Variants in MAP2K2 observed in about 807,000 individuals in gnomAD.
The protein encoded by MAP2K2 is mitogen-activated protein kinase kinase 2, also known as dual specificity mitogen-activated protein kinase kinase 2.
A neutral mutation model predicts 43.7 loss-of-function variants in MAP2K2; 24 were observed. That is an observed-to-expected ratio of 0.55 (90% CI 0.40 to 0.77). The LOEUF (loss-of-function observed/expected upper bound fraction) is 0.77. Ranked by LOEUF, MAP2K2 falls within the 30% of genes least tolerant of loss-of-function variation. The pLI is 0.00. For missense variants in MAP2K2, 470 were observed against 566.8 expected, an observed-to-expected ratio of 0.83 and a Z score of 1.73; for synonymous variants, 244 against 239.7, an observed-to-expected ratio of 1.02 and a Z score of -0.17.
Position 4,090,395 on chromosome 19 carries a change from C to T in MAP2K2, c.*203G>A, listed in dbSNP as rs982571644. 5.3e-5 allele frequency: 33 copies of T among 623,782 alleles called. No individual in the cohort carries two copies. The highest frequency in any genetic ancestry group is 4.3e-4 in the African/African-American group (24 of 55,240). The allele number at this position is 623,782 out of a possible 1,614,324, so 38.6% of individuals were successfully genotyped here. On this transcript the variant is annotated 3_prime_UTR_variant, in exon 11 of 11. Coordinates refer to ENST00000262948, the MANE Select transcript of MAP2K2 (RefSeq NM_030662.4). ...TCTGAGACCACACACAGCAGCGTCG[C>T]CCGTCCCCAGAGGCACCCCGGCCAG...
chr19:4,116,300 G>A (rs1342745486), intron 2 of MAP2K2, among the ~76,000 whole-genome samples: 1 of 152,172 alleles, frequency 6.6e-6, no homozygotes, highest in Admixed American at 6.5e-5. Flanking sequence ...GGAGGCCGAG[G>A]CAAGAGGATC....
At chr19:4,097,824 T>TG (rs1199883826) in intron 7 of MAP2K2, among the ~76,000 whole-genome samples, 9 of 152,282 alleles carry the variant, frequency 5.9e-5, no homozygotes, top group Non-Finnish European at 1.0e-4. Context: ...GGCCTGGGCT[T>TG]GGCAGCTGGA....
intron 1 of MAP2K2, among the ~76,000 whole-genome samples, chr19:4,120,618 T>C (rs534416058): frequency 2.0e-5 from 3 of 152,330 alleles, no homozygotes; most frequent in African/African-American, 7.2e-5. Flanking sequence ...CACCCAGCCA[T>C]GAATGAACAC....
chr19:4,095,445 G>T lies in MAP2K2; in HGVS notation c.989C>A (p.Pro330His). The stretch of plus-strand genomic sequence containing the variant: ...GAACACACCGTTGGGCAGCTTAGGA[G>T]GTGGCTGTGGAGGAGAACAGAGGGT... ...ELLDYIVNEP[P>H]PKLPNGVFTP... The change falls in exon 9 of 11, where the codon CCT becomes CAT. Residue 330 changes from proline (P) to histidine (H), a missense_variant. Coordinates refer to ENST00000262948, the MANE Select transcript of MAP2K2 (RefSeq NM_030662.4). 1.9e-6 allele frequency: 3 copies of T among 1,551,392 alleles called. No homozygotes were observed. Among genetic ancestry groups the T allele is most frequent in the Non-Finnish European group, 2.6e-6 (3 of 1,146,880 alleles).
chr19:4,102,590 G>A, intron 3 of MAP2K2, 137 bp from the exon 4 acceptor site: 1 of 903,158 alleles, frequency 1.1e-6, no homozygotes, highest in South Asian at 1.4e-5. Flanking sequence ...CCACCCACGG[G>A]CCAAGGGCAG....
chr19:4,093,588 G>A (rs1044925531), intron 10 of MAP2K2, among the ~76,000 whole-genome samples: 10 of 152,002 alleles, frequency 6.6e-5, no homozygotes, highest in Non-Finnish European at 1.5e-4. Flanking sequence ...CTACCTGGGA[G>A]GCTGACTGGA....
chr19:4,120,959 A>G (rs2145085200), intron 1 of MAP2K2, among the ~76,000 whole-genome samples: 1 of 151,772 alleles, frequency 6.6e-6, no homozygotes, highest in South Asian at 2.1e-4. Context: ...GCCGACCCCC[A>G]AGCGGGAGAG....
rs117030974 is a variant in MAP2K2 at position 4,113,129 on chromosome 19, C to T, written c.304-2474G>A. On this transcript the variant is annotated intron_variant, in intron 2 of 10. Transcript: ENST00000262948. Reference sequence around the variant, plus strand: ...AGGAAAGAGCGCGCGTTCGGCTGGCCGTCGCAAGTCGTAATTTAGGAGAGG... The same window carrying T: ...AGGAAAGAGCGCGCGTTCGGCTGGCTGTCGCAAGTCGTAATTTAGGAGAGG... Among the ~76,000 whole-genome samples the T allele has an allele frequency of 1.2e-4, 19 of 152,220 alleles. No individual in the cohort carries two copies. The East Asian group carries it at 3.3e-3, about 26-fold the overall frequency.
intron 7 of MAP2K2, among the ~76,000 whole-genome samples, chr19:4,097,817 C>T (rs1415855824): frequency 6.6e-6 from 1 of 152,160 alleles, no homozygotes; most frequent in East Asian, 1.9e-4. Flanking sequence ...CTGGCCAGGC[C>T]TGGGCTTGGC....
chr19:4,111,826 G>A (rs562388772), intron 2 of MAP2K2, among the ~76,000 whole-genome samples: 4 of 152,166 alleles, frequency 2.6e-5, no homozygotes, highest in Admixed American at 2.0e-4. Flanking sequence ...GGTGGCAGGC[G>A]CCTGTAATCC....
Position 4,110,804 on chromosome 19 carries a change from A to T in MAP2K2, c.304-149T>A, listed in dbSNP as rs552278199. On this transcript the variant is annotated intron_variant, in intron 2 of 10. Coordinates refer to ENST00000262948, the MANE Select transcript of MAP2K2 (RefSeq NM_030662.4). ...ATTCCACCCCTAGGTGTCTGCCTAG[A>T]AGTGGACACATACGTCCACACAGAA... 1.8e-5 allele frequency: 14 copies of T among 775,002 alleles called. 1 individual carries two copies. Among genetic ancestry groups the T allele is most frequent in the Non-Finnish European group, 2.9e-5 (14 of 484,142 alleles). The allele number at this position is 775,002 out of a possible 1,614,324, so 48.0% of individuals were successfully genotyped here. A position where few individuals can be genotyped will look rare whatever the true frequency, so the allele number is the denominator to read the frequency against.
chr19:4,123,765 C>A lies in MAP2K2; in HGVS notation c.92+19G>T. ...TGCCCCGTGCACCCCAAGCCTCCGG[C>A]TGACCCCTGCCCACTCACTCGGAGG... On this transcript the variant is annotated intron_variant, in intron 1 of 10. Transcript: ENST00000262948. 2 of 1,528,384 alleles carry A rather than the reference C, an allele frequency of 1.3e-6. No homozygotes were observed. Among genetic ancestry groups the A allele is most frequent in the Non-Finnish European group, 1.8e-6 (2 of 1,139,360 alleles). The allele number at this position is 1,528,384 out of a possible 1,614,324, so 94.7% of individuals were successfully genotyped here. A position where few individuals can be genotyped will look rare whatever the true frequency, so the allele number is the denominator to read the frequency against.
intron 1 of MAP2K2, among the ~76,000 whole-genome samples, chr19:4,118,224 C>A (rs1267300865): frequency 6.6e-6 from 1 of 152,218 alleles, no homozygotes; most frequent in Non-Finnish European, 1.5e-5. Context: ...AGGCGTGAGC[C>A]ATTGCACGCG....
intron 1 of MAP2K2, among the ~76,000 whole-genome samples, chr19:4,123,141 A>G (rs1019915288): frequency 1.1e-4 from 17 of 149,548 alleles, no homozygotes; most frequent in African/African-American, 4.2e-4. Context: ...CCCTCATTTC[A>G]CTACTCAAGG....
chr19:4,092,459 C>T (rs938910700), intron 10 of MAP2K2, among the ~76,000 whole-genome samples: 10 of 151,792 alleles, frequency 6.6e-5, no homozygotes, highest in African/African-American at 2.2e-4. Context: ...TGTGGTGGCA[C>T]GAGCCTGTAA....
chr19:4,091,642 C>T (rs1254384927), intron 10 of MAP2K2, among the ~76,000 whole-genome samples: 1 of 149,912 alleles, frequency 6.7e-6, no homozygotes. Flanking sequence ...TGTGAGCCAC[C>T]GCAACTGGCC....
At chr19:4,096,334 C>T (rs2040917144) in intron 8 of MAP2K2, among the ~76,000 whole-genome samples, 2 of 152,216 alleles carry the variant, frequency 1.3e-5, no homozygotes, top group African/African-American at 4.8e-5. Context: ...AACCCCAGGC[C>T]TAGCCCAGTC....
intron 3 of MAP2K2, among the ~76,000 whole-genome samples, chr19:4,105,148 C>T (rs1337881975): frequency 7.3e-6 from 1 of 136,930 alleles, no homozygotes; most frequent in Non-Finnish European, 1.5e-5. Context: ...TGACCATACA[C>T]GTCTACCGTG....
intron 2 of MAP2K2, among the ~76,000 whole-genome samples, chr19:4,113,228 G>T (rs1050117245): frequency 6.6e-6 from 1 of 152,208 alleles, no homozygotes; most frequent in Non-Finnish European, 1.5e-5. Context: ...AAATGAGGCC[G>T]TCGGAAGCGA....
Sources: gnomAD v4.1 joint callset for allele counts (sites outside exome capture counted in the v4.1 genomes callset) on GRCh38, gnomAD v4.1.1 for gene constraint, MANE v1.5 for transcripts, NCBI Gene and HGNC (gene_info 2026-07-23, HGNC 2026-07-21) for gene names.